Variants in CLDN14 observed in about 807,000 individuals in gnomAD.
CLDN14 encodes claudin 14, also known as claudin-14.
In CLDN14, 2 loss-of-function variants were observed where a neutral mutation model predicts 2.1. The ratio of observed to expected loss-of-function variants is 0.96; its 90% CI spans 0.39 to 3.01. The LOEUF is 3.01. Among genes scored for constraint, CLDN14 ranks in the 30% most tolerant of loss-of-function variants. CLDN14 has a pLI of 0.09. For missense variants in CLDN14, 298 were observed against 328.0 expected (o/e 0.91, Z 0.71); for synonymous variants, 136 against 154.4 (o/e 0.88, Z 0.88).
chr21:36,532,109 G>A (rs180793444), intron 1 of CLDN14: 2 of 152,216 alleles, frequency 1.3e-5, no homozygotes, highest in Non-Finnish European at 1.5e-5. Flanking sequence ...TATTTCCTCC[G>A]AAGAGGATAC....
rs564276838 is a variant in CLDN14 at position 36,516,171 on chromosome 21, C to T, written c.-219-5671G>A. Among the ~76,000 whole-genome samples the T allele has an allele frequency of 4.7e-4, 72 of 151,976 alleles. 2 individuals are homozygous for T. Among genetic ancestry groups the T allele is most frequent in the African/African-American group, 1.7e-3 (71 of 41,484 alleles). The stretch of plus-strand genomic sequence containing the variant: ...GGAGTTTGCAATTATTGCAACTATA[C>T]CAGTGGCTAGGAAGTTTGTATCTCT... On this transcript the variant is annotated intron_variant, in intron 1 of 2. Coordinates refer to the CLDN14 transcript ENST00000342108.
At chr21:36,523,535 C>T (rs1601622740) in intron 1 of CLDN14, among the ~76,000 whole-genome samples, 1 of 151,784 alleles carries the variant, frequency 6.6e-6, no homozygotes, top group Non-Finnish European at 1.5e-5. Flanking sequence ...CCACTTGAAG[C>T]CAGGAGTTTG....
chr21:36,543,352 G>A (rs1243190185), intron 1 of CLDN14, among the ~76,000 whole-genome samples: 1 of 152,218 alleles, frequency 6.6e-6, no homozygotes, highest in Non-Finnish European at 1.5e-5. Context: ...AGTTGGGGGA[G>A]ACAGACAATT....
At chr21:36,542,180 G>T (rs895730553) in intron 1 of CLDN14, among the ~76,000 whole-genome samples, 33 of 152,250 alleles carry the variant, frequency 2.2e-4, no homozygotes, top group Non-Finnish European at 4.3e-4. Flanking sequence ...GGTCAGGCTG[G>T]TCTTGAACTA....
At chr21:36,559,432 G>T (rs1341727113) in intron 1 of CLDN14, among the ~76,000 whole-genome samples, 2 of 152,232 alleles carry the variant, frequency 1.3e-5, no homozygotes, top group Non-Finnish European at 2.9e-5. Flanking sequence ...CCTGACCTCA[G>T]GTGACCCGCC....
chr21:36,527,642 T>C (rs1601624700), intron 1 of CLDN14, among the ~76,000 whole-genome samples: 4 of 152,188 alleles, frequency 2.6e-5, no homozygotes, highest in Admixed American at 2.6e-4. Flanking sequence ...ATCCTTGTTG[T>C]ACCTGCACTA....
chr21:36,494,054 GATCTTCTGCGGGGAC>G (rs967259908), intron 2 of CLDN14, among the ~76,000 whole-genome samples: 1 of 152,166 alleles, frequency 6.6e-6, no homozygotes, highest in African/African-American at 2.4e-5. Context: ...AGGACCTCAG[GATCTTCTGCGGGGAC>G]ATCAACTGGA....
chr21:36,569,903 G>C lies in CLDN14; in HGVS notation c.-220+6508C>G, dbSNP rs148784668. On this transcript the variant is annotated intron_variant, in intron 1 of 2. Transcript: ENST00000342108. ...TTAATCTGTGAACGCAAAAGTATCTGAGACAGGTCTCAATCCATTTAGAAA... is the reference window on the plus strand; with the variant it reads ...TTAATCTGTGAACGCAAAAGTATCTCAGACAGGTCTCAATCCATTTAGAAA... Among the ~76,000 whole-genome samples the C allele has an allele frequency of 1.1e-3, 161 of 152,314 alleles. 1 individual carries two copies. The highest frequency in any genetic ancestry group is 3.6e-3 in the African/African-American group (148 of 41,576).
intron 1 of CLDN14, among the ~76,000 whole-genome samples, chr21:36,547,980 C>A (rs1248287983): frequency 6.6e-6 from 1 of 152,204 alleles, no homozygotes; most frequent in Non-Finnish European, 1.5e-5. Flanking sequence ...ATTCTTAAAA[C>A]CCCAGTGGCT....
intron 1 of CLDN14, among the ~76,000 whole-genome samples, chr21:36,566,913 A>C (rs1181193840): frequency 6.6e-6 from 1 of 152,220 alleles, no homozygotes; most frequent in South Asian, 2.1e-4. Flanking sequence ...TCCGTCTGCC[A>C]TCGGGAAGAA....
chr21:36,467,231 C>A (rs2086657842), intron 1 of CLDN14, among the ~76,000 whole-genome samples: 1 of 152,176 alleles, frequency 6.6e-6, no homozygotes, highest in Admixed American at 6.5e-5. Context: ...TTCTGGAGCA[C>A]ACAGTAGGGT....
intron 2 of CLDN14, among the ~76,000 whole-genome samples, chr21:36,496,721 G>A (rs2087022313): frequency 7.3e-5 from 2 of 27,562 alleles, no homozygotes; most frequent in East Asian, 9.6e-4. Flanking sequence ...AGGGGAGGAA[G>A]GGAGGGAGGA....
chr21:36,563,068 T>C (rs1025347338), intron 1 of CLDN14, among the ~76,000 whole-genome samples: 6 of 143,666 alleles, frequency 4.2e-5, no homozygotes, highest in Non-Finnish European at 6.1e-5. Flanking sequence ...TGAAGACCTC[T>C]GTGTTTTAAT....
Position 36,493,647 on chromosome 21 carries a change from C to T in CLDN14, c.-82+16716G>A, listed in dbSNP as rs562482881. 6.6e-4 allele frequency among the ~76,000 whole-genome samples: 101 copies of T among 152,160 alleles called. No homozygotes were observed. In the South Asian group the frequency reaches 0.02, roughly 30 times the overall value. On this transcript the variant is annotated intron_variant, in intron 2 of 2. Transcript: ENST00000342108. ...AGGCGAGGAAGGGAAGCCTAGCGGCCGCACACTTGTCATAGTCTCTCTCAC... is the reference window on the plus strand; with the variant it reads ...AGGCGAGGAAGGGAAGCCTAGCGGCTGCACACTTGTCATAGTCTCTCTCAC...
rs77163865 is a variant in CLDN14, at chr21:36,519,137, C to A, written c.-219-8637G>T. On this transcript the variant is annotated intron_variant, in intron 1 of 2. Coordinates refer to the CLDN14 transcript ENST00000342108. ...GGTCATCTACATTGGTTACACGCCC[C>A]ATTTTTAGCTGGATGTAGCTAATTA... 3.5e-3 allele frequency among the ~76,000 whole-genome samples: 530 copies of A among 152,328 alleles called. 3 individuals carry two copies. Among genetic ancestry groups the A allele is most frequent in the African/African-American group, 0.012 (515 of 41,588 alleles).
upstream of CLDN14, among the ~76,000 whole-genome samples, chr21:36,483,507 C>G (rs1248171380): frequency 6.6e-6 from 1 of 152,158 alleles, no homozygotes; most frequent in Non-Finnish European, 1.5e-5. Flanking sequence ...CACGTGAGGT[C>G]CAGAGAGAGA....
At chr21:36,543,672 G>A (rs1021988881) in intron 1 of CLDN14, among the ~76,000 whole-genome samples, 2 of 152,144 alleles carry the variant, frequency 1.3e-5, no homozygotes, top group Non-Finnish European at 2.9e-5. Context: ...TACAATTGAG[G>A]CAATGGGTCC....
intron 1 of CLDN14, among the ~76,000 whole-genome samples, chr21:36,548,055 CTT>C (rs2087537327): frequency 6.6e-6 from 1 of 152,132 alleles, no homozygotes; most frequent in Non-Finnish European, 1.5e-5. Flanking sequence ...GGCTCCCGGG[CTT>C]TTTGTCAGTC....
intron 1 of CLDN14, among the ~76,000 whole-genome samples, chr21:36,568,635 G>A (rs1433607359): frequency 6.6e-6 from 1 of 152,196 alleles, no homozygotes; most frequent in African/African-American, 2.4e-5. Flanking sequence ...TGATGTGGGA[G>A]GATCGCTTGA....
Sources: allele counts gnomAD v4.1 joint callset (sites outside exome capture counted in the v4.1 genomes callset), GRCh38; gene constraint gnomAD v4.1.1; transcripts MANE v1.5; gene names NCBI Gene and HGNC (gene_info 2026-07-23, HGNC 2026-07-21).